The following SERPINB8 variants were observed in gnomAD, a reference collection of about 807,000 sequenced individuals.
SERPINB8 encodes serpin B8.
Under a neutral mutation model 35.3 loss-of-function variants are expected in SERPINB8, and 25 were observed. The observed-to-expected ratio is 0.71, with a 90% confidence interval of 0.52 to 0.99. SERPINB8 has a LOEUF of 0.99. SERPINB8 is among the 50% of genes least tolerant of loss of function. SERPINB8 has a pLI of 0.00. For synonymous variants in SERPINB8, 186 were observed against 160.8 expected (o/e 1.16, Z -1.19); for missense variants, 484 against 446.5 (o/e 1.08, Z -0.76).
Position 63,987,358 on chromosome 18 carries a change from G to T in SERPINB8, c.*80G>T, listed in dbSNP as rs2050777738. 6.3e-6 allele frequency: 9 copies of T among 1,434,190 alleles called. No individual in the cohort carries two copies. Among genetic ancestry groups the T allele is most frequent in the South Asian group, 4.0e-5 (3 of 74,370 alleles). The allele number at this position is 1,434,190 out of a possible 1,614,324, so 88.8% of individuals were successfully genotyped here. A position where few individuals can be genotyped will look rare whatever the true frequency, so the allele number is the denominator to read the frequency against. On this transcript the variant is annotated 3_prime_UTR_variant, in exon 7 of 7. Transcript: ENST00000397985. ...TAACATTCCCTGTGACCTAGTTGGT[G>T]CAGTGGCTTGAATGCCAAAATAAAG...
rs1032192580 is a variant in SERPINB8, at chr18:63,979,791, C to T, written c.169-10C>T. The T allele has an allele frequency of 3.4e-5, 55 of 1,613,814 alleles. No individual in the cohort carries two copies. Among genetic ancestry groups the T allele is most frequent in the Non-Finnish European group, 4.5e-5 (53 of 1,179,876 alleles). On this transcript the variant is annotated splice_polypyrimidine_tract_variant and intron_variant, in intron 2 of 6. Coordinates refer to ENST00000397985, the MANE Select transcript of SERPINB8 (RefSeq NM_002640.4). ...CAGCGTTAAAAGTCAGTGTTGGTTT[C>T]TGTTCCCAGGCACTTTGTTTATACA...
intron 7 of SERPINB8, among the ~76,000 whole-genome samples, chr18:64,013,238 C>A (rs553805866): frequency 1.3e-5 from 2 of 151,948 alleles, no homozygotes; most frequent in Non-Finnish European, 1.5e-5. Flanking sequence ...AATTCTGATT[C>A]CCCCCAGTGC....
chr18:63,978,042 G>T (rs538593507), intron 1 of SERPINB8, among the ~76,000 whole-genome samples: 42 of 152,178 alleles, frequency 2.8e-4, no homozygotes, highest in African/African-American at 9.6e-4. Flanking sequence ...TTTTAAGGAC[G>T]CTCGTGATTC....
intron 1 of SERPINB8, among the ~76,000 whole-genome samples, chr18:64,002,214 AC>A (rs929037729): frequency 3.9e-5 from 6 of 152,098 alleles, no homozygotes; most frequent in Non-Finnish European, 8.8e-5. Flanking sequence ...CACACTTAGC[AC>A]CGTGGCTCCA....
At chr18:63,996,082 C>T (rs949599185) in intron 1 of SERPINB8, among the ~76,000 whole-genome samples, 1 of 152,214 alleles carries the variant, frequency 6.6e-6, no homozygotes, top group African/African-American at 2.4e-5. Context: ...ATAATATCTG[C>T]AAGCACTGAT....
At chr18:64,011,319 C>A (rs2050924975) in intron 7 of SERPINB8, among the ~76,000 whole-genome samples, 1 of 151,900 alleles carries the variant, frequency 6.6e-6, no homozygotes, top group African/African-American at 2.4e-5. Context: ...AAAAAGTAGA[C>A]TTCAATGAAA....
In SERPINB8 at chr18:63,984,880, G is replaced by GTT. The variant is rs11432695; in HGVS notation, c.568-204_568-203dup. Among the ~76,000 whole-genome samples, 23,685 of 141,382 alleles carry GTT rather than the reference G, an allele frequency of 0.17. 1,804 individuals carry two copies. Among genetic ancestry groups the GTT allele is most frequent in the African/African-American group, 0.17 (6,631 of 39,036 alleles). 92.8% of individuals were successfully genotyped at this position (141,382 alleles called of 152,430 possible). A position where few individuals can be genotyped will look rare whatever the true frequency, so the allele number is the denominator to read the frequency against. Reference sequence around the variant, plus strand: ...TGTGTCCTTCTCCATTTACCAAACTGTTTTTTTTTTCTCACCTGGTAATAT... The same window carrying GTT: ...TGTGTCCTTCTCCATTTACCAAACTGTTTTTTTTTTTTCTCACCTGGTAATAT... On this transcript the variant is annotated intron_variant, in intron 5 of 6. Coordinates refer to ENST00000397985, the MANE Select transcript of SERPINB8 (RefSeq NM_002640.4).
intron 6 of SERPINB8, chr18:63,986,286 A>G (rs754092526): frequency 3.1e-5 from 50 of 1,610,278 alleles, no homozygotes; most frequent in Non-Finnish European, 4.2e-5. Flanking sequence ...AAGAATTTGA[A>G]GCTAACTCCA....
chr18:63,970,142 G>GGCGGCA lies in SERPINB8; in HGVS notation c.-34_-33insAGCGGC. 1 of 368,496 alleles carries GGCGGCA rather than the reference G, an allele frequency of 2.7e-6. No individual in the cohort carries two copies. The highest frequency in any genetic ancestry group is 2.1e-5 in the South Asian group (1 of 48,580). The allele number at this position is 368,496 out of a possible 1,614,324, so 22.8% of individuals were successfully genotyped here. A position where few individuals can be genotyped will look rare whatever the true frequency, so the allele number is the denominator to read the frequency against. ...TAGTCAAAGCAGCAGCGGCGGCGGC[G>GGCGGCA]GCGGCGGCAGCAGCAGCAGCAGCAG... On this transcript the variant is annotated 5_prime_UTR_variant, in exon 1 of 7. Coordinates refer to ENST00000397985, the MANE Select transcript of SERPINB8 (RefSeq NM_002640.4).
At position 63,984,105 on chromosome 18, in the gene SERPINB8, C is replaced by T. The variant is rs1049108064; in HGVS notation, c.567+384C>T. On this transcript the variant is annotated intron_variant, in intron 5 of 6. Transcript: ENST00000397985. ...CAAGTGATACACCTGCCTTATCCTC[C>T]CAAAGTTCTGGAATTACAGGCAGGA... Among the ~76,000 whole-genome samples, 55 of 152,216 alleles carry T rather than the reference C, an allele frequency of 3.6e-4. 1 individual carries two copies. Among genetic ancestry groups the T allele is most frequent in the African/African-American group, 1.3e-3 (53 of 41,440 alleles).
intron 7 of SERPINB8, among the ~76,000 whole-genome samples, chr18:64,012,909 G>A (rs765257980): frequency 2.6e-5 from 4 of 152,070 alleles, no homozygotes; most frequent in Admixed American, 6.6e-5. Flanking sequence ...TGCATGTTGC[G>A]CAGGCAAAGA....
intron 1 of SERPINB8, among the ~76,000 whole-genome samples, chr18:63,971,522 T>C (rs1459723032): frequency 6.6e-6 from 1 of 152,224 alleles, no homozygotes; most frequent in African/African-American, 2.4e-5. Context: ...AGTATGAATT[T>C]ATAACAGCTA....
At chr18:63,996,750 T>G (rs213069) in intron 1 of SERPINB8, among the ~76,000 whole-genome samples, 49,987 of 152,104 alleles carry the variant, frequency 0.33, 10,627 homozygotes, top group African/African-American at 0.61. Flanking sequence ...CCCAAGTGAA[T>G]TTCCTGGTTG....
chr18:63,996,635 T>G (rs2050850929), intron 1 of SERPINB8, among the ~76,000 whole-genome samples: 1 of 152,226 alleles, frequency 6.6e-6, no homozygotes, highest in African/African-American at 2.4e-5. Flanking sequence ...ATTGATGACA[T>G]CCTCCTTGTG....
At chr18:63,986,510 A>G (rs1340633432) in intron 6 of SERPINB8, 8 of 1,345,540 alleles carry the variant, frequency 5.9e-6, no homozygotes, top group South Asian at 2.2e-5. Context: ...TTGTCAAACA[A>G]TCTCTCCCAC....
chr18:64,018,669 A>G (rs1369864239), intron 7 of SERPINB8, among the ~76,000 whole-genome samples: 2 of 152,212 alleles, frequency 1.3e-5, no homozygotes, highest in Non-Finnish European at 2.9e-5. Context: ...GAGGGCAAAT[A>G]TTAAAAATAC....
At chr18:63,970,959 C>T (rs2050466098) in intron 1 of SERPINB8, among the ~76,000 whole-genome samples, 1 of 152,206 alleles carries the variant, frequency 6.6e-6, no homozygotes, top group Non-Finnish European at 1.5e-5. Context: ...TCCAGACACT[C>T]TCAGTCCTCT....
chr18:64,013,188 C>A (rs4940602), intron 7 of SERPINB8, among the ~76,000 whole-genome samples: 89,734 of 151,112 alleles, frequency 0.59, 26,861 homozygotes, highest in South Asian at 0.69. Context: ...TTCTTCCCCC[C>A]GCTCCAGTCA....
chr18:64,010,107 T>A (rs1004310986), downstream of SERPINB8, among the ~76,000 whole-genome samples: 4 of 151,710 alleles, frequency 2.6e-5, no homozygotes, highest in Non-Finnish European at 5.9e-5. Flanking sequence ...AACAACCACA[T>A]TGAAAAATAG....
Sources: allele counts gnomAD v4.1 joint callset (sites outside exome capture counted in the v4.1 genomes callset), GRCh38; gene constraint gnomAD v4.1.1; transcripts MANE v1.5; gene names NCBI Gene and HGNC (gene_info 2026-07-23, HGNC 2026-07-21).